Variants in WWOX observed in about 807,000 individuals in gnomAD.
The protein encoded by WWOX is WW domain-containing oxidoreductase.
A neutral mutation model predicts 46.2 loss-of-function variants in WWOX; 69 were observed. That is an observed-to-expected ratio of 1.49 (90% CI 1.23 to 1.82). The LOEUF is 1.82. Among genes scored for constraint, WWOX ranks in the 40% most tolerant of loss-of-function variants. The pLI is 0.00. For missense variants in WWOX, 919 were observed against 542.6 expected, an observed-to-expected ratio of 1.69 and a Z score of -6.89; for synonymous variants, 359 against 202.6, an observed-to-expected ratio of 1.77 and a Z score of -6.56.
intron 8 of WWOX, among the ~76,000 whole-genome samples, chr16:79,100,412 G>A (rs756624633): frequency 5.0e-4 from 76 of 152,254 alleles, no homozygotes; most frequent in Middle Eastern, 3.4e-3. Context: ...AATACGAGAT[G>A]GGTTTGTATC....
chr16:78,864,675 C>T (rs957139154), intron 8 of WWOX, among the ~76,000 whole-genome samples: 5 of 151,144 alleles, frequency 3.3e-5, no homozygotes, highest in Non-Finnish European at 7.4e-5. Context: ...CCTGTTAGCA[C>T]AGGGTCTGAC....
chr16:78,489,039 A>C (rs1433986853), intron 8 of WWOX, among the ~76,000 whole-genome samples: 1 of 152,158 alleles, frequency 6.6e-6, no homozygotes, highest in Non-Finnish European at 1.5e-5. Context: ...CAGCCCTTTC[A>C]GAAACACTTC....
chr16:78,468,459 C>A (rs183874222), intron 8 of WWOX, among the ~76,000 whole-genome samples: 2 of 152,086 alleles, frequency 1.3e-5, no homozygotes, highest in Non-Finnish European at 2.9e-5. Context: ...TTTGCAGATT[C>A]ATCCTTTTGC....
chr16:78,481,844 A>T (rs1046154447), intron 8 of WWOX, among the ~76,000 whole-genome samples: 1 of 151,100 alleles, frequency 6.6e-6, no homozygotes, highest in African/African-American at 2.4e-5. Context: ...ATATCTATGA[A>T]CCTTTTCTAT....
intron 8 of WWOX, among the ~76,000 whole-genome samples, chr16:79,150,856 C>G (rs4309411): frequency 0.27 from 41,330 of 151,940 alleles, 5,951 homozygotes; most frequent in East Asian, 0.49. Flanking sequence ...GCGTAGGCCA[C>G]TTGGAGTGAG....
intron 8 of WWOX, among the ~76,000 whole-genome samples, chr16:78,557,384 G>T (rs530029100): frequency 6.6e-6 from 1 of 152,248 alleles, no homozygotes; most frequent in African/African-American, 2.4e-5. Flanking sequence ...ATATCTCTTA[G>T]CCCTCAATTG....
At chr16:78,576,833 A>T (rs2044893072) in intron 8 of WWOX, among the ~76,000 whole-genome samples, 1 of 152,232 alleles carries the variant, frequency 6.6e-6, no homozygotes, top group African/African-American at 2.4e-5. Context: ...CCTGTCCCTT[A>T]AAATAAATGC....
At chr16:78,110,397 C>G (rs2032424157) in intron 3 of WWOX, among the ~76,000 whole-genome samples, 1 of 149,448 alleles carries the variant, frequency 6.7e-6, no homozygotes, top group Non-Finnish European at 1.5e-5. Flanking sequence ...TAGTAACCTG[C>G]TTTTTCCATG....
chr16:78,452,947 A>G (rs1442667173), intron 8 of WWOX, among the ~76,000 whole-genome samples: 1 of 147,312 alleles, frequency 6.8e-6, no homozygotes, highest in African/African-American at 2.6e-5. Flanking sequence ...ATTATGGCTC[A>G]CTGCAGCCTC....
At chr16:78,149,815 G>T (rs1339853787) in intron 4 of WWOX, among the ~76,000 whole-genome samples, 1 of 152,146 alleles carries the variant, frequency 6.6e-6, no homozygotes, top group Non-Finnish European at 1.5e-5. Context: ...TTCCAGGCTG[G>T]TTTCTCCTGC....
intron 8 of WWOX, among the ~76,000 whole-genome samples, chr16:78,990,126 G>C (rs1211432259): frequency 6.6e-6 from 1 of 150,910 alleles, no homozygotes; most frequent in East Asian, 2.0e-4. Flanking sequence ...CTAGGCTGCA[G>C]TGAGCCATGA....
intron 5 of WWOX, among the ~76,000 whole-genome samples, chr16:78,201,140 T>G (rs576931946): frequency 3.9e-5 from 6 of 152,194 alleles, no homozygotes; most frequent in Non-Finnish European, 8.8e-5. Flanking sequence ...GTTTTTGTCT[T>G]AAGGTGTTAA....
At chr16:78,424,198 A>G (rs113464960) in intron 6 of WWOX, among the ~76,000 whole-genome samples, 3 of 145,560 alleles carry the variant, frequency 2.1e-5, no homozygotes, top group Non-Finnish European at 4.5e-5. Context: ...GCTCACTGCA[A>G]CCTCTGCCTC....
At chr16:78,371,117 C>G (rs946733775) in intron 5 of WWOX, among the ~76,000 whole-genome samples, 1 of 151,786 alleles carries the variant, frequency 6.6e-6, no homozygotes, top group Non-Finnish European at 1.5e-5. Flanking sequence ...TGATCTTTGA[C>G]ATACCTAGGT....
intron 7 of WWOX, among the ~76,000 whole-genome samples, chr16:78,427,656 G>C (rs925361713): frequency 1.3e-5 from 2 of 152,104 alleles, no homozygotes; most frequent in African/African-American, 4.8e-5. Flanking sequence ...GCACATGCCT[G>C]TAATCCTATC....
intron 5 of WWOX, among the ~76,000 whole-genome samples, chr16:78,181,783 C>A (rs962569676): frequency 6.6e-6 from 1 of 151,808 alleles, no homozygotes; most frequent in African/African-American, 2.4e-5. Context: ...ATTATTGTTC[C>A]CTGAGTGAAA....
intron 8 of WWOX, among the ~76,000 whole-genome samples, chr16:79,113,656 C>A (rs571628669): frequency 6.6e-6 from 1 of 152,194 alleles, no homozygotes; most frequent in Non-Finnish European, 1.5e-5. Flanking sequence ...ATAAGTTGCA[C>A]TAAACTGCTC....
At chr16:78,880,319 C>T (rs180903017) in intron 8 of WWOX, among the ~76,000 whole-genome samples, 22 of 152,282 alleles carry the variant, frequency 1.4e-4, no homozygotes, top group African/African-American at 3.6e-4. Flanking sequence ...TGCTTTCACC[C>T]GTACCTGTGG....
At chr16:78,561,212 C>T (rs760679461) in intron 8 of WWOX, among the ~76,000 whole-genome samples, 3 of 151,942 alleles carry the variant, frequency 2.0e-5, no homozygotes, top group Non-Finnish European at 2.9e-5. Context: ...CATCTCAAAG[C>T]CAGCAACAGA....
Sources: allele counts gnomAD v4.1 joint callset (sites outside exome capture counted in the v4.1 genomes callset), GRCh38; gene constraint gnomAD v4.1.1; transcripts MANE v1.5; gene names NCBI Gene and HGNC (gene_info 2026-07-23, HGNC 2026-07-21).